The following DNAAF11 variants were observed in gnomAD, a reference collection of about 807,000 sequenced individuals.
DNAAF11 encodes the protein leucine rich repeat containing 6.
In DNAAF11, 45 loss-of-function variants were observed where a neutral mutation model predicts 60.8. The ratio of observed to expected loss-of-function variants is 0.74; its 90% CI spans 0.58 to 0.95. The LOEUF (loss-of-function observed/expected upper bound fraction) is 0.95. Among genes scored for constraint, DNAAF11 ranks in the 40% least tolerant of loss-of-function variants. DNAAF11 has a pLI of 0.00. For missense variants in DNAAF11, 546 were observed against 546.2 expected, an observed-to-expected ratio of 1.00 and a Z score of 0.00; for synonymous variants, 191 against 183.5, an observed-to-expected ratio of 1.04 and a Z score of -0.33.
chr8:132,611,410 G>GT (rs1284796031), intron 8 of DNAAF11, 47 bp from the exon 9 acceptor site: 10 of 1,084,138 alleles, frequency 9.2e-6, no homozygotes, highest in South Asian at 2.7e-5. Flanking sequence ...AAAATATCAA[G>GT]TTTGAATAAG....
intron 1 of DNAAF11, among the ~76,000 whole-genome samples, chr8:132,673,297 C>G (rs1361486986): frequency 6.6e-6 from 1 of 152,150 alleles, no homozygotes; most frequent in African/African-American, 2.4e-5. Flanking sequence ...CCTTCCCTGC[C>G]TTAAAAGGCT....
intron 5 of DNAAF11, among the ~76,000 whole-genome samples, chr8:132,630,585 A>G (rs1820699189): frequency 6.6e-6 from 1 of 152,220 alleles, no homozygotes; most frequent in South Asian, 2.1e-4. Flanking sequence ...TTATAATTAA[A>G]GACAAGTCAC....
chr8:132,588,691 C>T (rs906721219), intron 10 of DNAAF11, among the ~76,000 whole-genome samples: 3 of 150,882 alleles, frequency 2.0e-5, no homozygotes, highest in Middle Eastern at 6.4e-3. Flanking sequence ...TTAATCTGTT[C>T]TCACATTGCT....
At chr8:132,668,517 C>A (rs1383053723) in intron 1 of DNAAF11, among the ~76,000 whole-genome samples, 1 of 152,038 alleles carries the variant, frequency 6.6e-6, no homozygotes, top group Non-Finnish European at 1.5e-5. Flanking sequence ...TGGCTCACTG[C>A]AAGCTCTGCC....
chr8:132,583,819 T>A, intron 10 of DNAAF11, 40 bp from the exon 11 acceptor site: 1 of 1,299,900 alleles, frequency 7.7e-7, no homozygotes, highest in South Asian at 1.2e-5. Flanking sequence ...GGTGCATTAC[T>A]CCTTGATGTA....
the DNAAF11 span, chr8:132,685,127 A>C: frequency 6.6e-6 from 1 of 152,236 alleles, no homozygotes; most frequent in Non-Finnish European, 1.5e-5. Context: ...ATAACAGAAA[A>C]AAACTAAGAA....
At chr8:132,603,625 C>T (rs889776866) in intron 10 of DNAAF11, among the ~76,000 whole-genome samples, 7 of 151,580 alleles carry the variant, frequency 4.6e-5, no homozygotes, top group African/African-American at 1.5e-4. Flanking sequence ...GACATAATGC[C>T]TAATTGGAGT....
rs1454377151 is a variant in DNAAF11, at chr8:132,572,470, T to C, written c.1237A>G (p.Met413Val). The change falls in exon 12 of 12, where the codon ATG becomes GTG. Residue 413 changes from methionine (M) to valine (V), a missense_variant. Coordinates refer to ENST00000620350, the MANE Select transcript of DNAAF11 (RefSeq NM_012472.6). Reference sequence around the variant, plus strand: ...CTAGGGTCTACTTCTAGTTTCTCCATGTGCTTGCTTCTATAACAACAAAAA... The same window carrying C: ...CTAGGGTCTACTTCTAGTTTCTCCACGTGCTTGCTTCTATAACAACAAAAA... ...REQTNTRSKH[M>V]EKLEVDPSKH... 2 of 1,591,944 alleles carry C rather than the reference T, an allele frequency of 1.3e-6. No homozygotes were observed. The highest frequency in any genetic ancestry group is 1.2e-5 in the South Asian group (1 of 86,522).
At chr8:132,630,804 C>A (rs1377408446) in intron 5 of DNAAF11, among the ~76,000 whole-genome samples, 2 of 151,908 alleles carry the variant, frequency 1.3e-5, no homozygotes, top group Non-Finnish European at 2.9e-5. Context: ...TACAGAAATG[C>A]AAATTAATTT....
intron 5 of DNAAF11, 138 bp from the exon 6 acceptor site, chr8:132,625,592 T>A (rs1363183930): frequency 1.5e-6 from 1 of 678,798 alleles, no homozygotes; most frequent in Non-Finnish European, 2.4e-6. Flanking sequence ...TGAAAGACAG[T>A]TTAACCAGGC....
chr8:132,618,459 AACTAAAG>A (rs1228031063), intron 7 of DNAAF11, among the ~76,000 whole-genome samples: 3 of 98,684 alleles, frequency 3.0e-5, no homozygotes, highest in Non-Finnish European at 6.0e-5. Flanking sequence ...GATCTAATTA[AACTAAAG>A]AGCTTCTGCA....
the DNAAF11 span, among the ~76,000 whole-genome samples, chr8:132,695,744 G>C: frequency 7.2e-5 from 11 of 152,106 alleles, no homozygotes; most frequent in Non-Finnish European, 1.5e-4. Flanking sequence ...GCCCGGATGT[G>C]TGTTTTTTTC....
intron 3 of DNAAF11, among the ~76,000 whole-genome samples, chr8:132,655,711 A>G (rs1036101682): frequency 2.9e-4 from 44 of 151,456 alleles, no homozygotes; most frequent in Non-Finnish European, 5.3e-4. Context: ...AAGCACATAA[A>G]AAATGCTCAA....
chr8:132,700,209 T>C, the DNAAF11 span, among the ~76,000 whole-genome samples: 2 of 152,178 alleles, frequency 1.3e-5, no homozygotes, highest in Admixed American at 1.3e-4. Flanking sequence ...GTGTTCTGAC[T>C]AACTTAAAAG....
intron 10 of DNAAF11, among the ~76,000 whole-genome samples, chr8:132,592,361 A>C (rs1816555350): frequency 6.6e-6 from 1 of 152,194 alleles, no homozygotes; most frequent in African/African-American, 2.4e-5. Context: ...AGGAATATCC[A>C]ATTGAAAGGA....
chr8:132,648,860 AG>A (rs1822691529), intron 3 of DNAAF11, among the ~76,000 whole-genome samples: 1 of 152,228 alleles, frequency 6.6e-6, no homozygotes, highest in Non-Finnish European at 1.5e-5. Flanking sequence ...GAAATAAAAG[AG>A]GACATAAACA....
chr8:132,629,170 A>C (rs758876419), intron 5 of DNAAF11, among the ~76,000 whole-genome samples: 5 of 152,168 alleles, frequency 3.3e-5, no homozygotes, highest in Non-Finnish European at 7.3e-5. Context: ...GCATTTAATA[A>C]GAATCAATAT....
the DNAAF11 span, among the ~76,000 whole-genome samples, chr8:132,696,380 T>A: frequency 6.6e-6 from 1 of 152,102 alleles, no homozygotes; most frequent in Non-Finnish European, 1.5e-5. Context: ...TGAAAAGCAG[T>A]TGGCATTTTT....
At position 132,626,909 on chromosome 8, in the gene DNAAF11, T is replaced by C. The variant is rs1312254215; in HGVS notation, c.654-1455A>G. 3.3e-5 allele frequency among the ~76,000 whole-genome samples: 5 copies of C among 152,334 alleles called. No individual in the cohort carries two copies. In the East Asian group the frequency reaches 7.7e-4, roughly 23 times the overall value. ...AAAGTATCTTTTCAAATATATTTTC[T>C]TTATTTTGAAAATATTGTGAAAGAT... On this transcript the variant is annotated intron_variant, in intron 5 of 11. Coordinates refer to ENST00000620350, the MANE Select transcript of DNAAF11 (RefSeq NM_012472.6).
Sources: gnomAD v4.1 joint callset for allele counts (sites outside exome capture counted in the v4.1 genomes callset) on GRCh38, gnomAD v4.1.1 for gene constraint, MANE v1.5 for transcripts, NCBI Gene and HGNC (gene_info 2026-07-23, HGNC 2026-07-21) for gene names.